The following CDH2 variants were observed in gnomAD, a reference collection of about 807,000 sequenced individuals.
CDH2 encodes the protein cadherin 2.
A neutral mutation model predicts 92.0 loss-of-function variants in CDH2; 17 were observed. That is an observed-to-expected ratio of 0.18 (90% CI 0.13 to 0.28). The LOEUF (loss-of-function observed/expected upper bound fraction) is 0.28. Ranked by LOEUF, CDH2 falls within the 10% of genes least tolerant of loss-of-function variation. The pLI is 1.00. For synonymous variants in CDH2, 419 were observed against 415.9 expected, an observed-to-expected ratio of 1.01 and a Z score of -0.09; for missense variants, 862 against 1,133.1, an observed-to-expected ratio of 0.76 and a Z score of 3.44.
rs755903402 is a variant in CDH2, at chr18:27,982,959, T to C, written c.2334A>G (p.Gly778=). 5.0e-6 allele frequency: 8 copies of C among 1,601,536 alleles called. No homozygotes were observed. The South Asian group carries it at 9.0e-5, about 18-fold the overall frequency. The part of the protein sequence containing the change: ...DNILKYDEEG[G]GEEDQDYDLS... Reference sequence around the variant, plus strand: ...CACTGCTCACCTGGTCTTCTTCTCCTCCACCTTCTTCATCATATTTTAAAA... The same window carrying C: ...CACTGCTCACCTGGTCTTCTTCTCCCCCACCTTCTTCATCATATTTTAAAA... The change falls in exon 14 of 16, where the codon GGA becomes GGG. Residue 778 remains glycine (G), a synonymous_variant. Coordinates refer to ENST00000269141, the MANE Select transcript of CDH2 (RefSeq NM_001792.5).
chr18:28,079,755 C>T (rs1476595589), intron 2 of CDH2, among the ~76,000 whole-genome samples: 1 of 152,130 alleles, frequency 6.6e-6, no homozygotes, highest in Admixed American at 6.6e-5. Context: ...CACGGTAATG[C>T]CCTATGGTGG....
rs185389684 is a variant in CDH2, at chr18:28,089,223, T to C, written c.172+58450A>G. Among the ~76,000 whole-genome samples, 56 of 152,304 alleles carry C rather than the reference T, an allele frequency of 3.7e-4. 1 individual carries two copies. The highest frequency in any genetic ancestry group is 1.3e-4 in the Non-Finnish European group (9 of 68,030). On this transcript the variant is annotated intron_variant, in intron 2 of 15. Coordinates refer to ENST00000269141, the MANE Select transcript of CDH2 (RefSeq NM_001792.5). ...AATGCCAAACCTAGATCTTTGACTCTCTACCAGATGAGGACACCATCAAAT... is the reference window on the plus strand; with the variant it reads ...AATGCCAAACCTAGATCTTTGACTCCCTACCAGATGAGGACACCATCAAAT...
At chr18:28,081,764 G>A (rs568072552) in intron 2 of CDH2, among the ~76,000 whole-genome samples, 63 of 152,282 alleles carry the variant, frequency 4.1e-4, no homozygotes, top group Non-Finnish European at 5.9e-4. Context: ...ATTATCATAA[G>A]TTGACAATGG....
chr18:27,965,000 A>C (rs752836724), intron 14 of CDH2, among the ~76,000 whole-genome samples: 12 of 152,170 alleles, frequency 7.9e-5, no homozygotes, highest in Admixed American at 3.3e-4. Flanking sequence ...CTTCATACTC[A>C]CTGTGGGTCA....
intron 3 of CDH2, among the ~76,000 whole-genome samples, chr18:28,012,369 C>A (rs889444930): frequency 1.3e-5 from 2 of 152,130 alleles, no homozygotes; most frequent in East Asian, 1.9e-4. Context: ...AAATTTAGAT[C>A]TTGATGTGCT....
intron 2 of CDH2, among the ~76,000 whole-genome samples, chr18:28,116,561 G>A (rs1371719748): frequency 6.6e-6 from 1 of 152,158 alleles, no homozygotes; most frequent in African/African-American, 2.4e-5. Flanking sequence ...GATTTTCAGT[G>A]GAGAGTGAAT....
downstream of CDH2, among the ~76,000 whole-genome samples, chr18:27,949,051 T>C (rs999540190): frequency 2.6e-5 from 4 of 151,980 alleles, no homozygotes; most frequent in Non-Finnish European, 4.4e-5. Flanking sequence ...TGTATAGTTT[T>C]CAGGTTTTAG....
In CDH2 at chr18:28,019,410, G is replaced by A. The variant is rs189273343; in HGVS notation, c.173-5501C>T. 7.9e-5 allele frequency among the ~76,000 whole-genome samples: 12 copies of A among 152,160 alleles called. No homozygotes were observed. In the East Asian group the frequency reaches 1.9e-3, roughly 24 times the overall value. On this transcript the variant is annotated intron_variant, in intron 2 of 15. Transcript: ENST00000269141. Reference sequence around the variant, plus strand: ...AAAGAAAAGAAAAAGAGAAACAAAGGTAGGATAAGGGTTTGACAGACAGAA... The same window carrying A: ...AAAGAAAAGAAAAAGAGAAACAAAGATAGGATAAGGGTTTGACAGACAGAA...
chr18:27,948,771 T>C (rs1909338328), downstream of CDH2, among the ~76,000 whole-genome samples: 1 of 152,114 alleles, frequency 6.6e-6, no homozygotes, highest in East Asian at 1.9e-4. Flanking sequence ...ATGTGTGTGA[T>C]GTCCAGGACT....
downstream of CDH2, among the ~76,000 whole-genome samples, chr18:27,948,107 G>A (rs932160116): frequency 6.9e-5 from 10 of 145,042 alleles, no homozygotes; most frequent in African/African-American, 1.0e-4. Flanking sequence ...TTTAACAAGC[G>A]GTGTTTGGAA....
rs559010076 is a variant in CDH2 at position 28,053,441 on chromosome 18, A to G, written c.173-39532T>C. 1.2e-3 allele frequency among the ~76,000 whole-genome samples: 176 copies of G among 152,288 alleles called. 1 individual carries two copies. Among genetic ancestry groups the G allele is most frequent in the African/African-American group, 3.9e-3 (162 of 41,576 alleles). On this transcript the variant is annotated intron_variant, in intron 2 of 15. Coordinates refer to ENST00000269141, the MANE Select transcript of CDH2 (RefSeq NM_001792.5). ...AATTTACCTGTCACATGTTAAATAAAATTTGTAGGGCCCAACAGACCAAAC... is the reference window on the plus strand; with the variant it reads ...AATTTACCTGTCACATGTTAAATAAGATTTGTAGGGCCCAACAGACCAAAC...
chr18:27,968,968 A>G (rs1483129319), intron 14 of CDH2, among the ~76,000 whole-genome samples: 2 of 152,242 alleles, frequency 1.3e-5, no homozygotes, highest in African/African-American at 2.4e-5. Context: ...ATAATTGAAT[A>G]AAATAGTGAT....
intron 6 of CDH2, among the ~76,000 whole-genome samples, chr18:27,937,264 A>T (rs574726768): frequency 3.3e-4 from 51 of 152,322 alleles, no homozygotes; most frequent in African/African-American, 1.2e-3. Flanking sequence ...TAAAATAAAG[A>T]CATTTAAAAG....
At chr18:27,940,203 G>A (rs746142711) in intron 6 of CDH2, among the ~76,000 whole-genome samples, 8 of 152,088 alleles carry the variant, frequency 5.3e-5, no homozygotes, top group Non-Finnish European at 1.2e-4. Flanking sequence ...GCCCATCCTG[G>A]GACAGGTTCT....
At position 28,016,824 on chromosome 18, in the gene CDH2, C is replaced by G. The variant is rs772041458; in HGVS notation, c.173-2915G>C. 3.3e-4 allele frequency among the ~76,000 whole-genome samples: 50 copies of G among 152,056 alleles called. 1 individual carries two copies. The highest frequency in any genetic ancestry group is 7.4e-5 in the Non-Finnish European group (5 of 68,008). On this transcript the variant is annotated intron_variant, in intron 2 of 15. Coordinates refer to ENST00000269141, the MANE Select transcript of CDH2 (RefSeq NM_001792.5). ...TGCCAAATTTAGACCTCTGAGAGTA[C>G]CACAGTAAATAGCGCATTAAAAAGA... is the stretch of plus-strand genomic sequence containing the variant.
At chr18:28,029,737 C>T (rs1226741560) in intron 2 of CDH2, among the ~76,000 whole-genome samples, 2 of 152,050 alleles carry the variant, frequency 1.3e-5, no homozygotes, top group East Asian at 3.9e-4. Flanking sequence ...CGTGTTTTAT[C>T]TGGAAAACAT....
At chr18:28,084,918 T>C (rs576235846) in intron 2 of CDH2, among the ~76,000 whole-genome samples, 122 of 152,274 alleles carry the variant, frequency 8.0e-4, no homozygotes, top group Admixed American at 1.5e-3. Flanking sequence ...AGATCATCAC[T>C]AGGCTCTGGA....
chr18:27,935,617 T>C (rs1908998463), intron 6 of CDH2, among the ~76,000 whole-genome samples: 2 of 152,102 alleles, frequency 1.3e-5, no homozygotes, highest in African/African-American at 4.8e-5. Flanking sequence ...TTGGGTCCAT[T>C]CCACTATGGT....
At chr18:28,091,730 C>T (rs1053977462) in intron 2 of CDH2, among the ~76,000 whole-genome samples, 5 of 152,074 alleles carry the variant, frequency 3.3e-5, no homozygotes, top group Non-Finnish European at 7.4e-5. Flanking sequence ...GACATTAATA[C>T]AAATTTTGTT....
Sources: gnomAD v4.1 joint callset for allele counts (sites outside exome capture counted in the v4.1 genomes callset) on GRCh38, gnomAD v4.1.1 for gene constraint, MANE v1.5 for transcripts, NCBI Gene and HGNC (gene_info 2026-07-23, HGNC 2026-07-21) for gene names.